The following PLD1 variants were observed in gnomAD, a reference collection of about 807,000 sequenced individuals.
PLD1 encodes phospholipase D1.
Under a neutral mutation model 137.1 loss-of-function variants are expected in PLD1, and 112 were observed. The ratio of observed to expected loss-of-function variants is 0.82; its 90% CI spans 0.70 to 0.96. The LOEUF (loss-of-function observed/expected upper bound fraction) is 0.96, where lower values mean the gene tolerates loss of function less well. Among genes scored for constraint, PLD1 ranks in the 40% least tolerant of loss-of-function variants. PLD1 has a pLI of 0.00. For synonymous variants in PLD1, 431 were observed against 454.7 expected (o/e 0.95, Z 0.66); for missense variants, 1,321 against 1,342.0 (o/e 0.98, Z 0.24).
intron 6 of PLD1, among the ~76,000 whole-genome samples, chr3:171,727,944 A>T (rs1220307952): frequency 6.6e-6 from 1 of 152,156 alleles, no homozygotes; most frequent in Non-Finnish European, 1.5e-5. Context: ...ATTCAAAAGG[A>T]CTTAAATATC....
At chr3:171,646,522 T>C (rs1362004987) in intron 21 of PLD1, among the ~76,000 whole-genome samples, 2 of 151,912 alleles carry the variant, frequency 1.3e-5, no homozygotes, top group East Asian at 3.9e-4. Flanking sequence ...CTTGAGTAGG[T>C]TGTTGTAATG....
intron 6 of PLD1, among the ~76,000 whole-genome samples, chr3:171,733,017 A>G (rs1456547184): frequency 3.9e-5 from 6 of 152,212 alleles, no homozygotes; most frequent in African/African-American, 1.4e-4. Context: ...TGACAAACCA[A>G]TCAGATGGCA....
chr3:171,639,609 TATTATATATA>T, intron 23 of PLD1, among the ~76,000 whole-genome samples: 2 of 79,396 alleles, frequency 2.5e-5, no homozygotes, highest in African/African-American at 1.5e-4. Context: ...ATATAATATA[TATTATATATA>T]ATATATATTC....
At chr3:171,660,147 G>A (rs376255994) in intron 20 of PLD1, among the ~76,000 whole-genome samples, 2 of 152,118 alleles carry the variant, frequency 1.3e-5, no homozygotes, top group South Asian at 2.1e-4. Flanking sequence ...TCATCTCAAG[G>A]TAAAGAGATA....
intron 23 of PLD1, among the ~76,000 whole-genome samples, chr3:171,628,329 AACAG>A (rs1220082314): frequency 6.6e-6 from 1 of 152,244 alleles, no homozygotes; most frequent in Non-Finnish European, 1.5e-5. Context: ...TGAATCTCTG[AACAG>A]ACCAATAAGA....
intron 3 of PLD1, among the ~76,000 whole-genome samples, 176 bp from the exon 4 acceptor site, chr3:171,735,813 T>C (rs1326241650): frequency 6.6e-6 from 1 of 152,206 alleles, no homozygotes; most frequent in Non-Finnish European, 1.5e-5. Flanking sequence ...AATAATATTC[T>C]CTAAATGTTC....
At chr3:171,758,665 T>A (rs1000295195) in intron 1 of PLD1, among the ~76,000 whole-genome samples, 1 of 152,192 alleles carries the variant, frequency 6.6e-6, no homozygotes, top group Non-Finnish European at 1.5e-5. Flanking sequence ...GTAAAACACT[T>A]CCTTCATGAT....
intron 21 of PLD1, among the ~76,000 whole-genome samples, chr3:171,648,421 T>C (rs191069329): frequency 2.0e-5 from 3 of 152,354 alleles, no homozygotes; most frequent in Admixed American, 2.0e-4. Context: ...CTTTTAGAAA[T>C]AGTGTAAGAA....
intron 14 of PLD1, 138 bp downstream of exon 14, chr3:171,688,536 CAT>C: frequency 1.4e-6 from 1 of 703,718 alleles, no homozygotes; most frequent in South Asian, 1.7e-5. Context: ...AGGTCTGTCT[CAT>C]GATTGACTTA....
intron 20 of PLD1, among the ~76,000 whole-genome samples, chr3:171,661,233 A>G (rs1737639198): frequency 6.6e-6 from 1 of 152,164 alleles, no homozygotes; most frequent in African/African-American, 2.4e-5. Flanking sequence ...GTTGCTGTGC[A>G]GAGCGGGAGA....
rs759277802 is a variant in PLD1, at chr3:171,677,687, C to T, written c.1875G>A (p.Gly625=). 1 of 1,613,808 alleles carries T rather than the reference C, an allele frequency of 6.2e-7. No homozygotes were observed. The highest frequency in any genetic ancestry group is 1.1e-5 in the South Asian group (1 of 91,022). ...CACCTGTCTGTAAACTACGGATGGA[C>T]CCGGTATCTGTGAATGCAGCAAGAC... The part of the protein sequence containing the change: ...QGLTRPHADT[G]SIRSLQTGVG... The change falls in exon 17 of 27, where the codon GGG becomes GGA. Residue 625 remains glycine, a synonymous_variant. Coordinates refer to ENST00000351298, the MANE Select transcript of PLD1 (RefSeq NM_002662.5).
chr3:171,680,673 C>A (rs892875373), intron 16 of PLD1, among the ~76,000 whole-genome samples: 3 of 152,194 alleles, frequency 2.0e-5, no homozygotes, highest in Admixed American at 2.0e-4. Flanking sequence ...AAAATTATGT[C>A]TAACACTAAA....
At chr3:171,798,489 G>A (rs542185715) in intron 1 of PLD1, among the ~76,000 whole-genome samples, 129 of 152,312 alleles carry the variant, frequency 8.5e-4, no homozygotes, top group Non-Finnish European at 1.5e-3. Context: ...CAAGTAAATT[G>A]AGAAATAAAT....
chr3:171,713,507 G>T (rs944930523), intron 9 of PLD1, among the ~76,000 whole-genome samples: 1 of 152,188 alleles, frequency 6.6e-6, no homozygotes, highest in South Asian at 2.1e-4. Context: ...CTTAAAATAT[G>T]TGTGTAACAA....
At chr3:171,733,618 T>G (rs1259801178) in intron 5 of PLD1, 109 bp from the exon 6 acceptor site, 1 of 536,544 alleles carries the variant, frequency 1.9e-6, no homozygotes, top group Non-Finnish European at 3.3e-6. Flanking sequence ...CTTCTACAAG[T>G]TATTCAATTA....
At chr3:171,767,428 AG>A (rs1722056012) in intron 1 of PLD1, among the ~76,000 whole-genome samples, 1 of 152,268 alleles carries the variant, frequency 6.6e-6, no homozygotes, top group Non-Finnish European at 1.5e-5. Flanking sequence ...AAGTCAACAG[AG>A]CATCTTCTAA....
intron 2 of PLD1, 54 bp from the exon 3 acceptor site, chr3:171,737,713 T>G (rs929459547): frequency 7.3e-7 from 1 of 1,371,498 alleles, no homozygotes; most frequent in Admixed American, 2.2e-5. Context: ...ATAACTTGTC[T>G]TTTACAGGCA....
chr3:171,636,263 C>T lies in PLD1; in HGVS notation c.2593+6577G>A, dbSNP rs566456307. On this transcript the variant is annotated intron_variant, in intron 23 of 26. Coordinates refer to ENST00000351298, the MANE Select transcript of PLD1 (RefSeq NM_002662.5). ...AAGATTGTTTTGGCAATGCTAAATG[C>T]CTTGAAATTTCACATGAACTTTCAG... Among the ~76,000 whole-genome samples the T allele has an allele frequency of 4.6e-5, 7 of 151,898 alleles. No homozygotes were observed. The East Asian group carries it at 5.8e-4, about 13-fold the overall frequency.
intron 1 of PLD1, among the ~76,000 whole-genome samples, chr3:171,777,887 T>C (rs925388576): frequency 6.6e-6 from 1 of 152,224 alleles, no homozygotes; most frequent in Admixed American, 6.5e-5. Flanking sequence ...ACTTTCTATT[T>C]TATCTGGATG....
Sources: gnomAD v4.1 joint callset for allele counts (sites outside exome capture counted in the v4.1 genomes callset) on GRCh38, gnomAD v4.1.1 for gene constraint, MANE v1.5 for transcripts, NCBI Gene and HGNC (gene_info 2026-07-23, HGNC 2026-07-21) for gene names.